The following LRP1B variants were observed in gnomAD, a reference collection of about 807,000 sequenced individuals.
LRP1B encodes LDL receptor related protein 1B, also known as low-density lipoprotein receptor-related protein 1B.
A neutral mutation model predicts 556.6 loss-of-function variants in LRP1B; 217 were observed. The observed-to-expected ratio is 0.39, with a 90% CI of 0.35 to 0.44. The LOEUF (loss-of-function observed/expected upper bound fraction) is 0.44, where lower values mean the gene tolerates loss of function less well. Ranked by LOEUF, LRP1B falls within the 20% of genes least tolerant of loss-of-function variation. The pLI is 1.00. For synonymous variants in LRP1B, 2,047 were observed against 1,865.8 expected, an observed-to-expected ratio of 1.10 and a Z score of -2.50; for missense variants, 5,053 against 5,620.8, an observed-to-expected ratio of 0.90 and a Z score of 3.23.
chr2:141,709,307 C>T (rs1164758332), intron 2 of LRP1B, among the ~76,000 whole-genome samples: 1 of 151,524 alleles, frequency 6.6e-6, no homozygotes, highest in East Asian at 1.9e-4. Flanking sequence ...CAAGACTGCA[C>T]CATTGCACTC....
At chr2:140,557,908 T>G (rs1362465251) in intron 43 of LRP1B, among the ~76,000 whole-genome samples, 1 of 152,196 alleles carries the variant, frequency 6.6e-6, no homozygotes, top group Non-Finnish European at 1.5e-5. Flanking sequence ...CAGGAATATA[T>G]TCTTCTTGGC....
chr2:141,431,897 T>C (rs1680576322), intron 3 of LRP1B, among the ~76,000 whole-genome samples: 1 of 152,164 alleles, frequency 6.6e-6, no homozygotes. Context: ...TAAGGTCATG[T>C]CATATACAAG....
intron 2 of LRP1B, among the ~76,000 whole-genome samples, chr2:141,700,791 G>A (rs1326304282): frequency 6.6e-6 from 1 of 151,652 alleles, no homozygotes; most frequent in African/African-American, 2.4e-5. Context: ...AAATGAACTG[G>A]AAATTTCTCA....
At chr2:141,872,035 T>C (rs1325899005) in intron 1 of LRP1B, among the ~76,000 whole-genome samples, 1 of 151,882 alleles carries the variant, frequency 6.6e-6, no homozygotes, top group African/African-American at 2.4e-5. Context: ...TCAAGAGAGA[T>C]TCTCAGAATA....
chr2:140,930,813 G>A (rs1211477869), intron 20 of LRP1B, among the ~76,000 whole-genome samples: 1 of 152,072 alleles, frequency 6.6e-6, no homozygotes, highest in Non-Finnish European at 1.5e-5. Context: ...GAATCACTAT[G>A]TATTAATAAT....
In LRP1B at chr2:140,600,767, G is replaced by GTTTTTTTTTTTTTT. The variant is rs61336155; in HGVS notation, c.6989+669_6989+682dup. On this transcript the variant is annotated intron_variant, in intron 42 of 90. Coordinates refer to ENST00000389484, the MANE Select transcript of LRP1B (RefSeq NM_018557.3). Reference sequence around the variant, plus strand: ...CCTTACCTGTGCTTTGTTCTTCGGGGTTTTTTTTTTTTTTTTTTTTTTTTT... The same window carrying GTTTTTTTTTTTTTT: ...CCTTACCTGTGCTTTGTTCTTCGGGGTTTTTTTTTTTTTTTTTTTTTTTTTTTTTTTTTTTTTTT... 4.4e-3 allele frequency among the ~76,000 whole-genome samples: 249 copies of GTTTTTTTTTTTTTT among 56,834 alleles called. 15 individuals carry two copies. The Middle Eastern group carries it at 0.045, about 10-fold the overall frequency. The allele number at this position is 56,834 out of a possible 152,430, so 37.3% of individuals were successfully genotyped here.
chr2:141,086,534 A>G (rs927733182), intron 7 of LRP1B, among the ~76,000 whole-genome samples: 1 of 152,170 alleles, frequency 6.6e-6, no homozygotes, highest in Admixed American at 6.5e-5. Flanking sequence ...GCCCAATACA[A>G]TAAGCATATA....
chr2:141,645,468 G>A (rs983464188), intron 2 of LRP1B, among the ~76,000 whole-genome samples: 27 of 103,006 alleles, frequency 2.6e-4, no homozygotes, highest in African/African-American at 1.0e-3. Context: ...AGAAGACAAG[G>A]CTTTTTTTTT....
At chr2:141,188,349 A>C in intron 7 of LRP1B, 72 bp downstream of exon 7, 1 of 1,425,342 alleles carries the variant, frequency 7.0e-7, no homozygotes, top group Non-Finnish European at 9.7e-7. Context: ...CCACAACAAC[A>C]CTTGTCATAC....
chr2:141,567,279 A>T (rs988292600), intron 2 of LRP1B, among the ~76,000 whole-genome samples: 1 of 152,256 alleles, frequency 6.6e-6, no homozygotes, highest in South Asian at 2.1e-4. Context: ...TGAAGACAAC[A>T]TTATCCAAGA....
intron 84 of LRP1B, 121 bp downstream of exon 84, chr2:140,297,687 C>T (rs1359531052): frequency 1.9e-6 from 2 of 1,075,148 alleles, no homozygotes. Flanking sequence ...GTTGGAGTGA[C>T]AGAGACTGAA....
At chr2:140,249,132 A>G (rs979864146) in intron 86 of LRP1B, among the ~76,000 whole-genome samples, 37 of 151,786 alleles carry the variant, frequency 2.4e-4, no homozygotes, top group African/African-American at 8.9e-4. Context: ...TCTGGGACTC[A>G]TTATTACACT....
intron 41 of LRP1B, among the ~76,000 whole-genome samples, chr2:140,659,224 C>T (rs1470101762): frequency 1.4e-5 from 2 of 142,056 alleles, no homozygotes; most frequent in African/African-American, 5.2e-5. Context: ...TTCATGTTGA[C>T]TAAGAAGATC....
intron 42 of LRP1B, among the ~76,000 whole-genome samples, chr2:140,599,548 C>T (rs1682572592): frequency 6.6e-6 from 1 of 152,010 alleles, no homozygotes; most frequent in Non-Finnish European, 1.5e-5. Flanking sequence ...TATTTTATGA[C>T]ACTTATTACC....
chr2:140,918,233 T>G (rs1694637434), intron 21 of LRP1B, among the ~76,000 whole-genome samples: 1 of 151,602 alleles, frequency 6.6e-6, no homozygotes, highest in Non-Finnish European at 1.5e-5. Flanking sequence ...GAATGCTTTT[T>G]GTAAATTGCC....
At chr2:141,247,967 G>A (rs1290973654) in intron 4 of LRP1B, among the ~76,000 whole-genome samples, 1 of 152,084 alleles carries the variant, frequency 6.6e-6, no homozygotes, top group Middle Eastern at 3.2e-3. Context: ...CAGCACTTTG[G>A]GAGGCCTTGG....
At chr2:141,866,536 C>T (rs1481573450) in intron 1 of LRP1B, among the ~76,000 whole-genome samples, 1 of 152,056 alleles carries the variant, frequency 6.6e-6, no homozygotes, top group Non-Finnish European at 1.5e-5. Context: ...TAGAAAATGG[C>T]TGCACAGTAA....
At chr2:141,127,932 G>T (rs903398939) in intron 7 of LRP1B, among the ~76,000 whole-genome samples, 2 of 152,158 alleles carry the variant, frequency 1.3e-5, no homozygotes, top group African/African-American at 4.8e-5. Flanking sequence ...CGAACTGTGA[G>T]CTACCAGATA....
intron 41 of LRP1B, among the ~76,000 whole-genome samples, chr2:140,673,298 T>C (rs1685553188): frequency 6.6e-6 from 1 of 152,186 alleles, no homozygotes; most frequent in Non-Finnish European, 1.5e-5. Context: ...TAAAGTACAT[T>C]TGATTACATT....
Sources: allele counts gnomAD v4.1 joint callset (sites outside exome capture counted in the v4.1 genomes callset), GRCh38; gene constraint gnomAD v4.1.1; transcripts MANE v1.5; gene names NCBI Gene and HGNC (gene_info 2026-07-23, HGNC 2026-07-21).